The following CDH13 variants were observed in gnomAD, a reference collection of about 807,000 sequenced individuals.
The protein encoded by CDH13 is cadherin-13.
CDH13 carries 24 observed loss-of-function variants against 63.8 expected under a neutral mutation model. That is an observed-to-expected ratio of 0.38 (90% CI 0.27 to 0.53). CDH13 has a LOEUF of 0.53. Among genes scored for constraint, CDH13 ranks in the 20% least tolerant of loss-of-function variants. The pLI, the probability that CDH13 is intolerant of heterozygous loss-of-function variation, is 0.85. For missense variants in CDH13, 1,049 were observed against 903.1 expected (o/e 1.16, Z -2.07); for synonymous variants, 503 against 355.3 (o/e 1.42, Z -4.67).
chr16:83,415,082 C>T (rs2092180692), intron 6 of CDH13, among the ~76,000 whole-genome samples: 1 of 151,536 alleles, frequency 6.6e-6, no homozygotes, highest in Non-Finnish European at 1.5e-5. Flanking sequence ...AAAGAGGGAA[C>T]ATTACCACTT....
chr16:82,692,941 G>C (rs946569575), intron 1 of CDH13, among the ~76,000 whole-genome samples: 11 of 152,116 alleles, frequency 7.2e-5, no homozygotes, highest in African/African-American at 2.4e-4. Flanking sequence ...CCTCAACATT[G>C]AGGGAGGTGT....
intron 4 of CDH13, among the ~76,000 whole-genome samples, chr16:83,193,299 G>C (rs2038780031): frequency 6.6e-6 from 1 of 151,954 alleles, no homozygotes; most frequent in South Asian, 2.1e-4. Flanking sequence ...CTATTTTACA[G>C]TGGAGGGAGC....
At chr16:82,730,469 A>T (rs1567474830) in intron 1 of CDH13, among the ~76,000 whole-genome samples, 1 of 152,208 alleles carries the variant, frequency 6.6e-6, no homozygotes, top group Non-Finnish European at 1.5e-5. Context: ...CACATACAAC[A>T]TTTACCTATT....
intron 7 of CDH13, among the ~76,000 whole-genome samples, chr16:83,506,032 G>A (rs547088383): frequency 1.3e-5 from 2 of 152,268 alleles, no homozygotes; most frequent in African/African-American, 4.8e-5. Flanking sequence ...GGGTAGAAGT[G>A]GAATTCACAC....
intron 5 of CDH13, among the ~76,000 whole-genome samples, chr16:83,226,334 C>A (rs557835658): frequency 1.3e-5 from 2 of 152,200 alleles, no homozygotes; most frequent in African/African-American, 2.4e-5. Context: ...ATTTGGTCCA[C>A]TAAGCAAAGC....
intron 3 of CDH13, among the ~76,000 whole-genome samples, chr16:83,058,101 C>T (rs548633339): frequency 4.6e-5 from 7 of 152,086 alleles, no homozygotes; most frequent in Non-Finnish European, 1.0e-4. Context: ...AAATATAAAT[C>T]GTTAAATGTC....
chr16:83,673,317 T>C (rs1914678169), intron 9 of CDH13, among the ~76,000 whole-genome samples: 1 of 152,096 alleles, frequency 6.6e-6, no homozygotes. Context: ...AACATGGATA[T>C]CCCCTACCAA....
intron 2 of CDH13, among the ~76,000 whole-genome samples, chr16:82,937,009 A>G (rs1245666779): frequency 1.3e-5 from 2 of 152,084 alleles, no homozygotes; most frequent in Non-Finnish European, 2.9e-5. Flanking sequence ...ACCAAAACAA[A>G]CCACAGGCTG....
rs2039936882 is a variant in CDH13, at chr16:83,229,319, C to G, written c.636+11822C>G. ...GATCAAAGAGAAAACTTTGCTTTCC[C>G]TGGAGCTCTGCCTTCAAGTTTCCCT... On this transcript the variant is annotated intron_variant, in intron 5 of 13. Coordinates refer to ENST00000567109, the MANE Select transcript of CDH13 (RefSeq NM_001257.5). Among the ~76,000 whole-genome samples, 4 of 152,178 alleles carry G rather than the reference C, an allele frequency of 2.6e-5. No individual in the cohort carries two copies. The South Asian group carries it at 8.3e-4, about 32-fold the overall frequency.
At chr16:82,964,675 G>C (rs1471353721) in intron 2 of CDH13, among the ~76,000 whole-genome samples, 1 of 152,206 alleles carries the variant, frequency 6.6e-6, no homozygotes, top group Non-Finnish European at 1.5e-5. Flanking sequence ...AAAGCTTCCA[G>C]TGGTTAATAG....
intron 2 of CDH13, among the ~76,000 whole-genome samples, chr16:82,981,253 G>T (rs1409549728): frequency 6.6e-6 from 1 of 152,194 alleles, no homozygotes; most frequent in African/African-American, 2.4e-5. Context: ...CAGCCTGTGT[G>T]AATAAAGTTT....
At chr16:82,732,279 A>T (rs1011999505) in intron 1 of CDH13, among the ~76,000 whole-genome samples, 5 of 152,188 alleles carry the variant, frequency 3.3e-5, no homozygotes, top group African/African-American at 9.7e-5. Flanking sequence ...TTTAAAAAAA[A>T]ATAGGTCTGT....
At chr16:83,517,596 G>T (rs1316497575) in intron 7 of CDH13, among the ~76,000 whole-genome samples, 7 of 152,188 alleles carry the variant, frequency 4.6e-5, no homozygotes, top group Admixed American at 4.6e-4. Context: ...CTACCTGAAG[G>T]GAGGGTGAGA....
intron 10 of CDH13, among the ~76,000 whole-genome samples, chr16:83,719,082 T>A (rs1909331112): frequency 1.3e-5 from 2 of 152,202 alleles, no homozygotes; most frequent in Admixed American, 6.5e-5. Context: ...CCTCTTAAAA[T>A]CATTCTCTCC....
intron 8 of CDH13, among the ~76,000 whole-genome samples, chr16:83,624,053 A>G (rs1215814875): frequency 6.6e-6 from 1 of 152,184 alleles, no homozygotes; most frequent in Non-Finnish European, 1.5e-5. Context: ...CTTCAGGTGC[A>G]GCTGCGTCTA....
chr16:82,691,955 A>G (rs919834114), intron 1 of CDH13, among the ~76,000 whole-genome samples: 2 of 152,102 alleles, frequency 1.3e-5, no homozygotes, highest in African/African-American at 4.8e-5. Flanking sequence ...GGAGATTCTG[A>G]TATATGCTGA....
intron 5 of CDH13, among the ~76,000 whole-genome samples, chr16:83,323,227 T>TTTCCTTCC: frequency 6.9e-6 from 1 of 145,494 alleles, no homozygotes. Context: ...TCTTTCTTTC[T>TTTCCTTCC]TTCTTTCTTT....
rs192712877 is a variant in CDH13, at chr16:83,650,073, C to T, written c.1102-20717C>T. On this transcript the variant is annotated intron_variant, in intron 8 of 13. Coordinates refer to ENST00000567109, the MANE Select transcript of CDH13 (RefSeq NM_001257.5). ...ACAGCCCCAAGGGTGACACAGCTGC[C>T]TCCTTTCAAGCCTCTGCTCCTTTGT... Among the ~76,000 whole-genome samples, 332 of 152,306 alleles carry T rather than the reference C, an allele frequency of 2.2e-3. 2 individuals carry two copies. The highest frequency in any genetic ancestry group is 7.3e-3 in the African/African-American group (304 of 41,568).
At chr16:83,472,551 G>A (rs772777124) in intron 6 of CDH13, among the ~76,000 whole-genome samples, 12 of 152,174 alleles carry the variant, frequency 7.9e-5, no homozygotes, top group Non-Finnish European at 8.8e-5. Flanking sequence ...CCCCAGATCC[G>A]AGGGAGCATC....
Sources: allele counts gnomAD v4.1 joint callset (sites outside exome capture counted in the v4.1 genomes callset), GRCh38; gene constraint gnomAD v4.1.1; transcripts MANE v1.5; gene names NCBI Gene and HGNC (gene_info 2026-07-23, HGNC 2026-07-21).